Variants in FOXP1 observed in about 807,000 individuals in gnomAD.
The protein encoded by FOXP1 is forkhead box protein P1.
In FOXP1, 15 loss-of-function variants were observed where a neutral mutation model predicts 98.2. The observed-to-expected ratio is 0.15, with a 90% CI of 0.10 to 0.24. FOXP1 has a LOEUF of 0.24. Among genes scored for constraint, FOXP1 ranks in the 10% least tolerant of loss-of-function variants. The pLI, the probability that FOXP1 is intolerant of heterozygous loss-of-function variation, is 1.00. For missense variants in FOXP1, 633 were observed against 848.5 expected, an observed-to-expected ratio of 0.75 and a Z score of 3.15; for synonymous variants, 371 against 314.5, an observed-to-expected ratio of 1.18 and a Z score of -1.90.
At chr3:71,423,501 T>C (rs1369757345) in intron 3 of FOXP1, among the ~76,000 whole-genome samples, 1 of 152,212 alleles carries the variant, frequency 6.6e-6, no homozygotes, top group East Asian at 1.9e-4. Flanking sequence ...CTCAACTTTA[T>C]AGGATATCCG....
rs373960974 is a variant in FOXP1 at position 70,959,241 on chromosome 3, C to T, written c.*6G>A. 7.4e-6 allele frequency: 12 copies of T among 1,613,448 alleles called. No homozygotes were observed. The Admixed American group carries it at 1.2e-4, about 16-fold the overall frequency. On this transcript the variant is annotated 3_prime_UTR_variant, in exon 21 of 21. Transcript: ENST00000649528. ...CTTCATTCTCGGGGTTGGCCCGCCC[C>T]GATAGTCACTCCATGTCCTCGTTTA...
intron 2 of FOXP1, among the ~76,000 whole-genome samples, chr3:71,545,014 A>G (rs753368363): frequency 9.2e-5 from 14 of 152,244 alleles, no homozygotes; most frequent in African/African-American, 2.7e-4. Flanking sequence ...AAAGAAAATG[A>G]TATTTCCAAG....
chr3:71,504,649 G>A (rs527841378), intron 2 of FOXP1, among the ~76,000 whole-genome samples: 27 of 152,256 alleles, frequency 1.8e-4, no homozygotes, highest in Admixed American at 2.0e-4. Context: ...ACATTCCAGG[G>A]TGTGTGGAAT....
chr3:71,383,873 G>T (rs1041742404), intron 3 of FOXP1, among the ~76,000 whole-genome samples: 1 of 152,190 alleles, frequency 6.6e-6, no homozygotes, highest in Non-Finnish European at 1.5e-5. Context: ...CAGGCAATTT[G>T]GAGGTCATGA....
chr3:71,316,048 G>A (rs1175000099), intron 4 of FOXP1, among the ~76,000 whole-genome samples: 2 of 152,206 alleles, frequency 1.3e-5, no homozygotes, highest in Admixed American at 6.5e-5. Flanking sequence ...CATTTCATTA[G>A]GAGGCAAGAG....
At chr3:71,514,495 TTGTC>T (rs1291994049) in intron 2 of FOXP1, among the ~76,000 whole-genome samples, 2 of 152,200 alleles carry the variant, frequency 1.3e-5, no homozygotes, top group African/African-American at 4.8e-5. Flanking sequence ...GCCAGGATCT[TTGTC>T]TGTTTTGTTC....
intron 6 of FOXP1, among the ~76,000 whole-genome samples, chr3:71,152,044 T>C (rs1025854536): frequency 6.6e-6 from 1 of 152,244 alleles, no homozygotes; most frequent in African/African-American, 2.4e-5. Context: ...CAGTTGACTC[T>C]GAGTTAATCA....
At chr3:71,052,226 C>T (rs1349334687) in intron 9 of FOXP1, among the ~76,000 whole-genome samples, 1 of 152,076 alleles carries the variant, frequency 6.6e-6, no homozygotes, top group African/African-American at 2.4e-5. Context: ...AAGCACTTCA[C>T]TTCTCCCAGC....
chr3:71,577,030 C>G (rs2047773480), intron 2 of FOXP1, among the ~76,000 whole-genome samples: 1 of 152,184 alleles, frequency 6.6e-6, no homozygotes, highest in South Asian at 2.1e-4. Context: ...ACAAGCCAAT[C>G]TGGTCAATAG....
chr3:71,130,103 A>G (rs1041508231), intron 6 of FOXP1, among the ~76,000 whole-genome samples: 3 of 152,222 alleles, frequency 2.0e-5, no homozygotes, highest in Non-Finnish European at 4.4e-5. Context: ...AGAATTACAA[A>G]GGCACCATCC....
intron 6 of FOXP1, among the ~76,000 whole-genome samples, chr3:71,120,392 A>C (rs2058674287): frequency 6.6e-6 from 1 of 152,264 alleles, no homozygotes; most frequent in East Asian, 1.9e-4. Flanking sequence ...GAGTTCCAAC[A>C]GCTGGACAAA....
chr3:70,966,547 A>G (rs2034825134), intron 19 of FOXP1, among the ~76,000 whole-genome samples: 1 of 152,122 alleles, frequency 6.6e-6, no homozygotes, highest in Non-Finnish European at 1.5e-5. Context: ...CCTATAGAAA[A>G]GGAAGAGATT....
intron 5 of FOXP1, among the ~76,000 whole-genome samples, chr3:71,280,792 G>A (rs2071456507): frequency 6.6e-6 from 1 of 152,032 alleles, no homozygotes; most frequent in African/African-American, 2.4e-5. Context: ...GGTCCAAGTT[G>A]TGATCCTGGG....
At chr3:71,566,838 G>A (rs1269158846) in intron 2 of FOXP1, among the ~76,000 whole-genome samples, 1 of 152,124 alleles carries the variant, frequency 6.6e-6, no homozygotes, top group African/African-American at 2.4e-5. Flanking sequence ...ACAGGGACAT[G>A]AGAAGTGTCT....
intron 11 of FOXP1, among the ~76,000 whole-genome samples, chr3:71,020,726 T>C (rs1161188046): frequency 6.6e-6 from 1 of 152,196 alleles, no homozygotes; most frequent in African/African-American, 2.4e-5. Context: ...ATTCCGAGCT[T>C]TTCCTGTGCA....
At chr3:71,417,215 C>T (rs1005499095) in intron 3 of FOXP1, among the ~76,000 whole-genome samples, 8 of 152,172 alleles carry the variant, frequency 5.3e-5, no homozygotes, top group African/African-American at 1.9e-4. Context: ...CAGGCTGAGC[C>T]CAGTCGTCCA....
chr3:71,067,621 G>A (rs1457140338), intron 7 of FOXP1, among the ~76,000 whole-genome samples: 2 of 151,966 alleles, frequency 1.3e-5, no homozygotes, highest in Admixed American at 1.3e-4. Context: ...ACATGGCCAG[G>A]TGCAGTGGCT....
intron 5 of FOXP1, among the ~76,000 whole-genome samples, chr3:71,260,359 T>C (rs897926844): frequency 2.0e-5 from 3 of 152,202 alleles, no homozygotes; most frequent in Non-Finnish European, 2.9e-5. Flanking sequence ...ATGATACTTT[T>C]ACCCTTTTGG....
intron 5 of FOXP1, among the ~76,000 whole-genome samples, chr3:71,220,208 ATAATT>A (rs1263677116): frequency 6.6e-6 from 1 of 152,234 alleles, no homozygotes; most frequent in Non-Finnish European, 1.5e-5. Context: ...AGTTTGATAA[ATAATT>A]TAATGTCAGA....
Sources: allele counts gnomAD v4.1 joint callset (sites outside exome capture counted in the v4.1 genomes callset), GRCh38; gene constraint gnomAD v4.1.1; transcripts MANE v1.5; gene names NCBI Gene and HGNC (gene_info 2026-07-23, HGNC 2026-07-21).